XKR4: variants seen among roughly 807,000 people sequenced by gnomAD.
The protein encoded by XKR4 is XK-related protein 4.
A neutral mutation model predicts 53.9 loss-of-function variants in XKR4; 12 were observed. The ratio of observed to expected loss-of-function variants is 0.22; its 90% CI spans 0.14 to 0.36. XKR4 has a LOEUF of 0.36. XKR4 is among the 10% of genes least tolerant of loss of function. The probability of loss-of-function intolerance (pLI) is 1.00; values close to 1 mark genes in which losing one functional copy is unlikely to be tolerated. For missense variants in XKR4, 799 were observed against 859.5 expected (o/e 0.93, Z 0.88); for synonymous variants, 354 against 362.4 (o/e 0.98, Z 0.26).
intron 2 of XKR4, among the ~76,000 whole-genome samples, chr8:55,427,107 T>A (rs1346967656): frequency 1.3e-5 from 2 of 152,218 alleles, no homozygotes; most frequent in Non-Finnish European, 2.9e-5. Flanking sequence ...CATTTTGCAT[T>A]ATATAAACAT....
chr8:55,466,425 A>G (rs1420928731), intron 2 of XKR4, among the ~76,000 whole-genome samples: 1 of 151,980 alleles, frequency 6.6e-6, no homozygotes. Flanking sequence ...CATAGGTGGG[A>G]ATTGAACAAT....
Position 55,364,782 on chromosome 8 carries a change from G to C in XKR4, c.1006+6905G>C, listed in dbSNP as rs549367959. On this transcript the variant is annotated intron_variant, in intron 2 of 2. Transcript: ENST00000327381. ...TGAGTAGCTGGAATTACAGGCCCCC[G>C]CCACCACGCCCGACTAATTTTGTAT... is the stretch of plus-strand genomic sequence containing the variant. Among the ~76,000 whole-genome samples the C allele has an allele frequency of 9.9e-5, 15 of 152,062 alleles. No individual in the cohort carries two copies. In the South Asian group the frequency reaches 3.1e-3, roughly 32 times the overall value.
intron 1 of XKR4, among the ~76,000 whole-genome samples, chr8:55,172,688 C>T (rs1329638117): frequency 6.6e-6 from 1 of 152,200 alleles, no homozygotes; most frequent in Non-Finnish European, 1.5e-5. Flanking sequence ...ATCAGGTTTA[C>T]AGTCTGTCTG....
chr8:55,409,361 G>C (rs952931979), intron 2 of XKR4, among the ~76,000 whole-genome samples: 1 of 152,158 alleles, frequency 6.6e-6, no homozygotes, highest in Non-Finnish European at 1.5e-5. Context: ...GGGAGCTGTG[G>C]GCTTTTATAA....
intron 2 of XKR4, among the ~76,000 whole-genome samples, chr8:55,496,705 C>A (rs1253236247): frequency 1.3e-5 from 2 of 152,190 alleles, no homozygotes; most frequent in African/African-American, 4.8e-5. Flanking sequence ...ATATTTGAAT[C>A]TCTATATGTT....
At chr8:55,248,595 A>G (rs1818321170) in intron 1 of XKR4, among the ~76,000 whole-genome samples, 1 of 152,138 alleles carries the variant, frequency 6.6e-6, no homozygotes, top group African/African-American at 2.4e-5. Flanking sequence ...CAAAGTACTC[A>G]TATATTCACT....
At chr8:55,187,305 CAAAAAAAA>C (rs1168014848) in intron 1 of XKR4, among the ~76,000 whole-genome samples, 5 of 95,848 alleles carry the variant, frequency 5.2e-5, no homozygotes, top group Admixed American at 1.2e-4. Flanking sequence ...TTTCCAGGAC[CAAAAAAAA>C]AAAAAAAAAA....
At chr8:55,328,287 A>G (rs1365631284) in intron 1 of XKR4, among the ~76,000 whole-genome samples, 2 of 152,228 alleles carry the variant, frequency 1.3e-5, no homozygotes, top group Non-Finnish European at 2.9e-5. Flanking sequence ...AGGCCCATAC[A>G]TAATATTACT....
chr8:55,457,146 C>CTTTTATTTTTT (rs533607534), intron 2 of XKR4, among the ~76,000 whole-genome samples: 1 of 137,238 alleles, frequency 7.3e-6, no homozygotes, highest in Non-Finnish European at 1.6e-5. Flanking sequence ...TTTTCCTTTT[C>CTTTTATTTTTT]TTTTTTTTTT....
intron 1 of XKR4, among the ~76,000 whole-genome samples, chr8:55,131,991 A>G (rs560251818): frequency 1.3e-5 from 2 of 152,316 alleles, no homozygotes; most frequent in East Asian, 1.9e-4. Context: ...GCAGTTTCAT[A>G]TGGCAGGTGT....
At chr8:55,476,748 C>T (rs562302143) in intron 2 of XKR4, among the ~76,000 whole-genome samples, 5 of 152,208 alleles carry the variant, frequency 3.3e-5, no homozygotes, top group East Asian at 1.9e-4. Context: ...GATTATATCC[C>T]GCACCTGGCT....
chr8:55,535,261 A>C lies in XKR4; in HGVS notation c.*11034A>C, dbSNP rs999108782. 1 of 151,080 alleles carries C rather than the reference A, an allele frequency of 6.6e-6. No individual in the cohort carries two copies. Among genetic ancestry groups the C allele is most frequent in the Non-Finnish European group, 1.5e-5 (1 of 67,850 alleles). 9.4% of individuals were successfully genotyped at this position (151,080 alleles called of 1,614,324 possible). On this transcript the variant is annotated 3_prime_UTR_variant, in exon 3 of 3. Transcript: ENST00000327381. ...ATTATTATACTTTAAGTTTTAGGGT[A>C]CATGTGCACAACGTGCAGGTTTGTT...
intron 1 of XKR4, among the ~76,000 whole-genome samples, chr8:55,296,477 T>C (rs1237314309): frequency 6.6e-6 from 1 of 152,190 alleles, no homozygotes; most frequent in African/African-American, 2.4e-5. Flanking sequence ...ATTTAATTAA[T>C]TACCTTTTCA....
At chr8:55,122,312 T>C (rs942266211) in intron 1 of XKR4, among the ~76,000 whole-genome samples, 3 of 152,246 alleles carry the variant, frequency 2.0e-5, no homozygotes, top group African/African-American at 7.2e-5. Context: ...ATTTGTTTCA[T>C]CTGTGTTCCC....
rs368384948 is a variant in XKR4 at position 55,414,975 on chromosome 8, T to C, written c.1006+57098T>C. Among the ~76,000 whole-genome samples, 3 of 152,146 alleles carry C rather than the reference T, an allele frequency of 2.0e-5. No homozygotes were observed. In the East Asian group the frequency reaches 5.8e-4, roughly 29 times the overall value. On this transcript the variant is annotated intron_variant, in intron 2 of 2. Coordinates refer to ENST00000327381, the MANE Select transcript of XKR4 (RefSeq NM_052898.2). The stretch of plus-strand genomic sequence containing the variant: ...TAATTTCTGTGCCATCAGAAAGTAA[T>C]GTGGTATTGGAGTGCCTCCAGGACA...
At chr8:55,382,888 G>A (rs951256) in intron 2 of XKR4, among the ~76,000 whole-genome samples, 19,300 of 151,234 alleles carry the variant, frequency 0.13, 2,856 homozygotes, top group African/African-American at 0.36. Context: ...CACAGACCCA[G>A]GCACATTTGG....
At position 55,355,814 on chromosome 8, in the gene XKR4, C is replaced by T. The variant is rs1306223865; in HGVS notation, c.807-1864C>T. On this transcript the variant is annotated intron_variant, in intron 1 of 2. Coordinates refer to ENST00000327381, the MANE Select transcript of XKR4 (RefSeq NM_052898.2). The stretch of plus-strand genomic sequence containing the variant: ...ACCTAAGCTTTCGGTGAAAAGCTTG[C>T]CTGGATTTTCTGCACCTGCACTTCC... 3.3e-5 allele frequency among the ~76,000 whole-genome samples: 5 copies of T among 152,170 alleles called. No homozygotes were observed. In the East Asian group the frequency reaches 9.6e-4, roughly 29 times the overall value.
At chr8:55,141,244 G>C (rs1816697592) in intron 1 of XKR4, among the ~76,000 whole-genome samples, 1 of 152,182 alleles carries the variant, frequency 6.6e-6, no homozygotes, top group South Asian at 2.1e-4. Flanking sequence ...CAGCCTGGCT[G>C]TCGCAGGACC....
chr8:55,307,203 A>G (rs78225960), intron 1 of XKR4, among the ~76,000 whole-genome samples: 209 of 152,356 alleles, frequency 1.4e-3, no homozygotes, highest in African/African-American at 4.8e-3. Context: ...ATGAAAAGAC[A>G]TGCTGCGGAC....
Sources: allele counts gnomAD v4.1 joint callset (sites outside exome capture counted in the v4.1 genomes callset), GRCh38; gene constraint gnomAD v4.1.1; transcripts MANE v1.5; gene names NCBI Gene and HGNC (gene_info 2026-07-23, HGNC 2026-07-21).